TXLNB: variants seen among roughly 807,000 people sequenced by gnomAD.
The protein encoded by TXLNB is beta-taxilin.
TXLNB carries 37 observed loss-of-function variants against 57.4 expected under a neutral mutation model. That is an observed-to-expected ratio of 0.64 (90% confidence interval 0.50 to 0.85). The LOEUF (loss-of-function observed/expected upper bound fraction) is 0.85. Among genes scored for constraint, TXLNB ranks in the 40% least tolerant of loss-of-function variants. The pLI is 0.00. For missense variants in TXLNB, 848 were observed against 825.6 expected (o/e 1.03, Z -0.33); for synonymous variants, 302 against 309.6 (o/e 0.98, Z 0.26).
the TXLNB span, among the ~76,000 whole-genome samples, chr6:139,208,745 T>G: frequency 1.3e-5 from 2 of 152,336 alleles, no homozygotes; most frequent in East Asian, 3.9e-4. Context: ...TGGCATCCCT[T>G]TTTTATAAAA....
At chr6:139,308,628 T>C in the TXLNB span, among the ~76,000 whole-genome samples, 1 of 152,224 alleles carries the variant, frequency 6.6e-6, no homozygotes, top group Non-Finnish European at 1.5e-5. Flanking sequence ...ATTTTGTTCA[T>C]ACTTACATTA....
At chr6:139,314,425 A>C in the TXLNB span, among the ~76,000 whole-genome samples, 1 of 152,184 alleles carries the variant, frequency 6.6e-6, no homozygotes, top group African/African-American at 2.4e-5. Context: ...CAATTAAGAA[A>C]TCTTTGAATG....
At chr6:139,192,264 C>T in the TXLNB span, among the ~76,000 whole-genome samples, 1 of 152,134 alleles carries the variant, frequency 6.6e-6, no homozygotes, top group Admixed American at 6.5e-5. Flanking sequence ...CTGAGTGCAT[C>T]GAGGAAAATA....
At chr6:139,265,982 CTGAT>C (rs1776605520) in intron 4 of TXLNB, among the ~76,000 whole-genome samples, 1 of 152,198 alleles carries the variant, frequency 6.6e-6, no homozygotes, top group Non-Finnish European at 1.5e-5. Context: ...TTACACAAAT[CTGAT>C]TGGCCTTGAG....
intron 7 of TXLNB, among the ~76,000 whole-genome samples, chr6:139,254,314 T>TG: frequency 7.2e-6 from 1 of 138,040 alleles, no homozygotes; most frequent in Non-Finnish European, 1.5e-5. Context: ...ATGAACACGA[T>TG]TTGTGTGTGT....
At chr6:139,269,394 A>T (rs140892666) in intron 4 of TXLNB, among the ~76,000 whole-genome samples, 58 of 152,300 alleles carry the variant, frequency 3.8e-4, no homozygotes, top group African/African-American at 1.4e-3. Flanking sequence ...CCAAACCTTG[A>T]GTTGAGGACG....
chr6:139,171,888 A>G, the TXLNB span, among the ~76,000 whole-genome samples: 3 of 151,404 alleles, frequency 2.0e-5, no homozygotes, highest in Non-Finnish European at 2.9e-5. Flanking sequence ...CTGGAGTGCA[A>G]TGGTGCTATC....
chr6:139,220,947 G>T, the TXLNB span, among the ~76,000 whole-genome samples: 1 of 152,166 alleles, frequency 6.6e-6, no homozygotes, highest in East Asian at 1.9e-4. Flanking sequence ...AGCTGGATGG[G>T]AATTCTGCTT....
At chr6:139,167,309 C>A in the TXLNB span, 6 of 1,592,284 alleles carry the variant, frequency 3.8e-6, no homozygotes, top group African/African-American at 6.7e-5. Context: ...ATATGATGTT[C>A]CTTGTCACCT....
chr6:139,308,352 G>C, the TXLNB span, among the ~76,000 whole-genome samples: 647 of 152,304 alleles, frequency 4.2e-3, 4 homozygotes, highest in African/African-American at 0.015. Context: ...ATATTGGAAG[G>C]ACTTCCAAAG....
At chr6:139,166,186 A>G in the TXLNB span, 2 of 939,228 alleles carry the variant, frequency 2.1e-6, no homozygotes, top group African/African-American at 1.7e-5. Context: ...CATTATATTC[A>G]TGTCTTAGAA....
chr6:139,203,297 T>C, the TXLNB span, among the ~76,000 whole-genome samples: 1 of 152,160 alleles, frequency 6.6e-6, no homozygotes, highest in South Asian at 2.1e-4. Flanking sequence ...TTACTAGCCT[T>C]TCTCTCTCCT....
the TXLNB span, among the ~76,000 whole-genome samples, chr6:139,232,370 G>A: frequency 6.6e-6 from 1 of 152,012 alleles, no homozygotes; most frequent in Admixed American, 6.6e-5. Flanking sequence ...GGGATTATGG[G>A]GATTACAATT....
chr6:139,250,944 T>G (rs1221497852), intron 7 of TXLNB, among the ~76,000 whole-genome samples: 1 of 152,232 alleles, frequency 6.6e-6, no homozygotes, highest in Non-Finnish European at 1.5e-5. Flanking sequence ...TGTTATATTT[T>G]TTCATTATGT....
At chr6:139,198,704 T>C in the TXLNB span, among the ~76,000 whole-genome samples, 1 of 152,128 alleles carries the variant, frequency 6.6e-6, no homozygotes. Context: ...CCTGCTTGCA[T>C]TGTCTTGGGT....
chr6:139,164,423 C>T, the TXLNB span, among the ~76,000 whole-genome samples: 1 of 152,002 alleles, frequency 6.6e-6, no homozygotes, highest in Non-Finnish European at 1.5e-5. Flanking sequence ...ACTGAGTGCT[C>T]AGGCCTAGTG....
chr6:139,278,077 C>A (rs1489648720), intron 2 of TXLNB, among the ~76,000 whole-genome samples: 2 of 152,188 alleles, frequency 1.3e-5, no homozygotes, highest in Admixed American at 6.5e-5. Flanking sequence ...CTAAACCTGG[C>A]AACTTTACAT....
At chr6:139,223,059 T>C in the TXLNB span, among the ~76,000 whole-genome samples, 83 of 152,308 alleles carry the variant, frequency 5.4e-4, no homozygotes, top group Admixed American at 2.1e-3. Context: ...TTTACCAAGA[T>C]TGACTGTATG....
At chr6:139,314,330 CA>C in the TXLNB span, among the ~76,000 whole-genome samples, 11 of 152,216 alleles carry the variant, frequency 7.2e-5, no homozygotes, top group African/African-American at 2.7e-4. Flanking sequence ...TTGGCTTCCA[CA>C]ACGCCCTGCT....
Sources: gnomAD v4.1 joint callset for allele counts (sites outside exome capture counted in the v4.1 genomes callset) on GRCh38, gnomAD v4.1.1 for gene constraint, MANE v1.5 for transcripts, NCBI Gene and HGNC (gene_info 2026-07-23, HGNC 2026-07-21) for gene names.